FLNA: variants seen among roughly 807,000 people sequenced by gnomAD.
FLNA encodes the protein filamin A.
Under a neutral mutation model 157.6 loss-of-function variants are expected in FLNA, and 7 were observed. The ratio of observed to expected loss-of-function variants is 0.04; its 90% CI spans 0.03 to 0.08. The LOEUF is 0.08. Ranked by LOEUF, FLNA falls within the 10% of genes least tolerant of loss-of-function variation. FLNA has a pLI of 1.00. For synonymous variants in FLNA, 1,103 were observed against 1,060.8 expected (o/e 1.04, Z -0.77); for missense variants, 1,750 against 2,398.4 (o/e 0.73, Z 5.65).
intron 39 of FLNA, 29 bp downstream of exon 39, chrX:154,352,743 G>C (rs2148104497): frequency 1.7e-6 from 2 of 1,211,611 alleles, no homozygotes; most frequent in Non-Finnish European, 2.2e-6. Flanking sequence ...GTGTAGTGAG[G>C]GGGGCTGCCG....
At chrX:154,357,782 A>G (rs1007883971) in intron 28 of FLNA, among the ~76,000 whole-genome samples, 159 bp from the exon 29 acceptor site, 20 of 112,716 alleles carry the variant, frequency 1.8e-4, no homozygotes, top group Non-Finnish European at 2.4e-4. Flanking sequence ...TGCACCTGGC[A>G]GAGTCCAGAA....
rs186619828 is a variant in FLNA, at chrX:154,360,039, C to T, written c.3756G>A (p.Ala1252=). Residue 1252 remains alanine, a synonymous_variant, in exon 22 of 48, where the codon GCG becomes GCA. Transcript: ENST00000369850. ...NFPSKLQVEP[A]VDTSGVQCYG... is the part of the protein sequence containing the mutation. ...AGCACTGGACACCGGAAGTGTCCAC[C>T]GCAGGTTCCACCTGCAGCTTGCTGG... 310 of 1,209,865 alleles carry T rather than the reference C, an allele frequency of 2.6e-4. 3 individuals carry two copies. Among genetic ancestry groups the T allele is most frequent in the Middle Eastern group, 1.6e-3 (7 of 4,356 alleles).
chrX:154,371,251 G>A lies in FLNA; in HGVS notation c.-6C>T. The A allele has an allele frequency of 8.3e-7, 1 of 1,200,442 alleles. No homozygotes were observed. ...CGAGAGTGGGAGCTACTCATTTTGA[G>A]GCGCGAGAAGCCGGGGGGGCGGTGC... On this transcript the variant is annotated 5_prime_UTR_variant, in exon 2 of 48. Coordinates refer to ENST00000369850, the MANE Select transcript of FLNA (RefSeq NM_001110556.2).
chrX:154,371,935 T>C (rs1412013746), intron 1 of FLNA, among the ~76,000 whole-genome samples: 1 of 113,621 alleles, frequency 8.8e-6, no homozygotes, highest in Non-Finnish European at 1.9e-5. Flanking sequence ...GAGGGCGCTT[T>C]GTGTGCTCAT....
chrX:154,359,699 G>A (rs782116260), intron 23 of FLNA, 33 bp downstream of exon 23: 25 of 1,204,932 alleles, frequency 2.1e-5, no homozygotes, highest in Admixed American at 1.7e-4. Context: ...CACCCACCCC[G>A]TCTGCCAGCC....
At position 154,360,453 on chromosome X, in the gene FLNA, G is replaced by C. The variant is rs1569551681; in HGVS notation, c.3342C>G (p.Cys1114Trp). The C allele has an allele frequency of 8.3e-7, 1 of 1,210,758 alleles. No homozygotes were observed. Among genetic ancestry groups the C allele is most frequent in the African/African-American group, 1.7e-5 (1 of 57,722 alleles). ...AACATGTGCCATCCCCATTGTCCAA[G>C]CACTCGAGCTGCGCCTCACAGGGGC... Reference protein sequence around the residue: ...VEGPCEAQLECLDNGDGTCSV... With the variant: ...VEGPCEAQLEWLDNGDGTCSV... The change falls in exon 22 of 48, where the codon TGC becomes TGG. Residue 1114 changes from cysteine to tryptophan, a missense_variant. By Grantham distance (215) the Cys-to-Trp change is radical (BLOSUM62 -2). Around this residue, in one of 5 missense-constraint regions of FLNA, gnomAD observed 648 missense variants for 805.8 expected, o/e 0.80. Coordinates refer to ENST00000369850, the MANE Select transcript of FLNA (RefSeq NM_001110556.2).
chrX:154,370,892 G>A lies in FLNA; in HGVS notation c.354C>T (p.Ser118=), dbSNP rs2067801361. 1 of 1,210,678 alleles carries A rather than the reference G, an allele frequency of 8.3e-7. No homozygotes were observed. The highest frequency in any genetic ancestry group is 1.7e-5 in the African/African-American group (1 of 57,888). ...SVALEFLDRE[S]IKLVSIDSKA... ...CCTCACCGATGGACACCAGTTTGATGCTCTCGCGGTCCAGGAACTCGAGCG... is the reference window on the plus strand; with the variant it reads ...CCTCACCGATGGACACCAGTTTGATACTCTCGCGGTCCAGGAACTCGAGCG... The change falls in exon 2 of 48, where the codon AGC becomes AGT. Residue 118 remains serine (S), a synonymous_variant. Coordinates refer to ENST00000369850, the MANE Select transcript of FLNA (RefSeq NM_001110556.2).
Position 154,372,349 on chromosome X carries a change from G to A in FLNA, c.-116-988C>T, listed in dbSNP as rs1008210580. On this transcript the variant is annotated intron_variant, in intron 1 of 47. Coordinates refer to ENST00000369850, the MANE Select transcript of FLNA (RefSeq NM_001110556.2). Reference sequence around the variant, plus strand: ...GTGGCCAGGGCAGGGGGCAAACACGGGAGTGGCATTCCAGACCCAGAGGGG... The same window carrying A: ...GTGGCCAGGGCAGGGGGCAAACACGAGAGTGGCATTCCAGACCCAGAGGGG... 7.1e-5 allele frequency among the ~76,000 whole-genome samples: 8 copies of A among 112,818 alleles called. No individual in the cohort carries two copies. In the Admixed American group the frequency reaches 7.4e-4, roughly 10 times the overall value.
chrX:154,362,186 C>T (rs369343572), intron 18 of FLNA, 38 bp from the exon 19 acceptor site: 18 of 1,207,197 alleles, frequency 1.5e-5, no homozygotes, highest in Non-Finnish European at 1.9e-5. Flanking sequence ...GGCACCCTGC[C>T]CCAAGCCCTC....
Position 154,359,863 on chromosome X carries a change from C to T in FLNA, c.3848G>A (p.Arg1283Gln). 4 of 1,210,991 alleles carry T rather than the reference C, an allele frequency of 3.3e-6. No homozygotes were observed. Among genetic ancestry groups the T allele is most frequent in the Non-Finnish European group, 4.5e-6 (4 of 895,361 alleles). The change falls in exon 23 of 48, where the codon CGG (arginine) becomes CAG (glutamine). Residue 1283 changes from arginine to glutamine, a missense_variant. Coordinates refer to ENST00000369850, the MANE Select transcript of FLNA (RefSeq NM_001110556.2). ...EATTEFSVDARALTQTGGPHV... is the reference protein window; with the variant it reads ...EATTEFSVDAQALTQTGGPHV... ...CGGCCCTCCGGTCTGTGTCAGAGCCCGGGCGTCCACACTGAACTCAGTGGT... is the reference window on the plus strand; with the variant it reads ...CGGCCCTCCGGTCTGTGTCAGAGCCTGGGCGTCCACACTGAACTCAGTGGT...
intron 44 of FLNA, chrX:154,350,472 C>G (rs986572513): frequency 4.7e-6 from 2 of 423,336 alleles, no homozygotes; most frequent in African/African-American, 2.5e-5. Flanking sequence ...GAAAGGTTAC[C>G]GTGAACACCA....
At position 154,359,874 on chromosome X, in the gene FLNA, A is replaced by G. The variant is rs782180714; in HGVS notation, c.3837T>C (p.Ser1279=). 7 of 1,209,315 alleles carry G rather than the reference A, an allele frequency of 5.8e-6. No homozygotes were observed. Among genetic ancestry groups the G allele is most frequent in the African/African-American group, 1.7e-5 (1 of 57,255 alleles). ...TCTGTGTCAGAGCCCGGGCGTCCAC[A>G]CTGAACTCAGTGGTGGCCTCACGGA... ...GVFREATTEF[S]VDARALTQTG... is the part of the protein sequence containing the mutation. Residue 1279 remains serine, a synonymous_variant, in exon 23 of 48, where the codon AGT becomes AGC. Coordinates refer to ENST00000369850, the MANE Select transcript of FLNA (RefSeq NM_001110556.2).
intron 30 of FLNA, among the ~76,000 whole-genome samples, chrX:154,356,308 C>T (rs782197091): frequency 2.7e-5 from 3 of 111,793 alleles, no homozygotes; most frequent in Non-Finnish European, 3.8e-5. Context: ...TTCCCCACCC[C>T]GGGCTCCCTG....
chrX:154,365,074 G>A, intron 11 of FLNA, 62 bp downstream of exon 11: 3 of 1,206,537 alleles, frequency 2.5e-6, no homozygotes, highest in Non-Finnish European at 3.4e-6. Context: ...CAGGTGGGGA[G>A]GCAGAAGGAA....
At chrX:154,361,089 A>G (rs1557177942) in intron 21 of FLNA, among the ~76,000 whole-genome samples, 4 of 103,066 alleles carry the variant, frequency 3.9e-5, no homozygotes, top group Admixed American at 2.1e-4. Context: ...AGAAAGAAAA[A>G]AAAAAAAAAG....
chrX:154,364,654 C>T lies in FLNA; in HGVS notation c.1894G>A (p.Asp632Asn), dbSNP rs782718606. The change falls in exon 13 of 48, where the codon GAT becomes AAT. Residue 632 changes from aspartate (D) to asparagine (N), a missense_variant. By Grantham distance (23) the Asp-to-Asn change is conservative. This residue lies in a region of FLNA where 648 missense variants were observed against 805.8 expected (regional missense o/e 0.80). Coordinates refer to ENST00000369850, the MANE Select transcript of FLNA (RefSeq NM_001110556.2). ...ECDDKGDGSC[D>N]VRYWPQEAGE... ...GCCTCCTGCGGCCAGTAGCGCACAT[C>T]ACAGGAGCCGTCGCCCTTGTCGTCA... is the stretch of plus-strand genomic sequence containing the variant. The T allele has an allele frequency of 1.2e-5, 14 of 1,211,283 alleles. No homozygotes were observed. Among genetic ancestry groups the T allele is most frequent in the Middle Eastern group, 4.6e-4 (2 of 4,354 alleles).
intron 47 of FLNA, 129 bp downstream of exon 47, chrX:154,349,233 G>T: frequency 1.3e-6 from 1 of 791,410 alleles, no homozygotes; most frequent in South Asian, 2.2e-5. Context: ...TCCAGGAGGT[G>T]GCAGGGAGGT....
Position 154,359,322 on chromosome X carries a change from G to A in FLNA, c.4227C>T (p.Ser1409=), listed in dbSNP as rs1043089639. Reference sequence around the variant, plus strand: ...CATAAGGGATGTACTCGACCGAGCAGCTGCCGTCCTTGTTATCCATGCAGG... The same window carrying A: ...CATAAGGGATGTACTCGACCGAGCAACTGCCGTCCTTGTTATCCATGCAGG... ...KMSCMDNKDG[S]CSVEYIPYEA... The change falls in exon 25 of 48, where the codon AGC becomes AGT. Residue 1409 remains serine, a synonymous_variant. Transcript: ENST00000369850. The A allele has an allele frequency of 1.7e-6, 2 of 1,211,223 alleles. No homozygotes were observed. The highest frequency in any genetic ancestry group is 2.2e-6 in the Non-Finnish European group (2 of 895,458).
chrX:154,350,939 C>T lies in FLNA; in HGVS notation c.7126G>A (p.Glu2376Lys). 1 of 1,211,441 alleles carries T rather than the reference C, an allele frequency of 8.3e-7. No homozygotes were observed. The highest frequency in any genetic ancestry group is 1.1e-6 in the Non-Finnish European group (1 of 895,072). Reference sequence around the variant, plus strand: ...TCAATTTCTGTGACATAGCACTCCTCCAGGGCTCCTGAGGGGCTGTGCACC... The same window carrying T: ...TCAATTTCTGTGACATAGCACTCCTTCAGGGCTCCTGAGGGGCTGTGCACC... ...AKVHSPSGAL[E>K]ECYVTEIDQD... Residue 2376 changes from glutamate to lysine, a missense_variant, in exon 44 of 48, where the codon GAG becomes AAG. By Grantham distance (56) the Glu-to-Lys change is moderately conservative. Coordinates refer to ENST00000369850, the MANE Select transcript of FLNA (RefSeq NM_001110556.2).
Sources: allele counts gnomAD v4.1 joint callset (sites outside exome capture counted in the v4.1 genomes callset), GRCh38; gene constraint gnomAD v4.1.1; regional missense constraint gnomAD v4.1.1; transcripts MANE v1.5; gene names NCBI Gene and HGNC (gene_info 2026-07-23, HGNC 2026-07-21).